TCF7L2: variants seen among roughly 807,000 people sequenced by gnomAD.
The protein encoded by TCF7L2 is transcription factor 7-like 2.
In TCF7L2, 23 loss-of-function variants were observed where a neutral mutation model predicts 77.9. That is an observed-to-expected ratio of 0.30 (90% CI 0.21 to 0.42). The LOEUF (loss-of-function observed/expected upper bound fraction) is 0.42, where lower values mean the gene tolerates loss of function less well. TCF7L2 is among the 10% of genes least tolerant of loss of function. The pLI is 1.00. For missense variants in TCF7L2, 654 were observed against 793.1 expected (o/e 0.82, Z 2.11); for synonymous variants, 413 against 340.2 (o/e 1.21, Z -2.36).
chr10:113,158,091 A>G, intron 12 of TCF7L2, 22 bp downstream of exon 12: 1 of 1,586,388 alleles, frequency 6.3e-7, no homozygotes, highest in Non-Finnish European at 8.6e-7. Context: ...TCATCAGGTT[A>G]GAGGAAGGAG....
intron 4 of TCF7L2, among the ~76,000 whole-genome samples, chr10:113,019,361 C>G (rs1430552890): frequency 6.6e-6 from 1 of 152,050 alleles, no homozygotes; most frequent in Non-Finnish European, 1.5e-5. Flanking sequence ...AGGAATGTGT[C>G]CTCGTTAGAA....
At chr10:112,987,277 A>C (rs556347850) in intron 4 of TCF7L2, among the ~76,000 whole-genome samples, 1 of 152,312 alleles carries the variant, frequency 6.6e-6, no homozygotes, top group Non-Finnish European at 1.5e-5. Context: ...GCAGCAAATA[A>C]ATCTCAGTTT....
intron 4 of TCF7L2, among the ~76,000 whole-genome samples, chr10:113,011,008 A>G (rs527636915): frequency 2.4e-4 from 36 of 152,274 alleles, no homozygotes; most frequent in African/African-American, 7.9e-4. Context: ...TCCTGTCTCA[A>G]AAAAAAGAAA....
At chr10:112,989,552 G>C (rs1287549822) in intron 4 of TCF7L2, among the ~76,000 whole-genome samples, 1 of 152,140 alleles carries the variant, frequency 6.6e-6, no homozygotes, top group Non-Finnish European at 1.5e-5. Flanking sequence ...ACATGCTCAT[G>C]AGAGTTTGCG....
At chr10:113,009,295 A>G (rs550288092) in intron 4 of TCF7L2, among the ~76,000 whole-genome samples, 10 of 152,058 alleles carry the variant, frequency 6.6e-5, no homozygotes, top group Non-Finnish European at 1.2e-4. Context: ...CTGGATGGGG[A>G]AGTTGGCCTG....
intron 5 of TCF7L2, among the ~76,000 whole-genome samples, chr10:113,106,287 G>A (rs577875401): frequency 6.6e-5 from 10 of 152,306 alleles, no homozygotes; most frequent in Non-Finnish European, 1.3e-4. Context: ...CTTGAACAGT[G>A]AGGAAGCAGA....
At chr10:112,951,363 T>TGGCCCTGCGCCGGCCC in intron 2 of TCF7L2, 90 bp downstream of exon 2, 6 of 1,004,750 alleles carry the variant, frequency 6.0e-6, no homozygotes, top group Non-Finnish European at 7.2e-6. Context: ...CGGCTCGGCC[T>TGGCCCTGCGCCGGCCC]GGCCCTGCGC....
Position 113,165,945 on chromosome 10 carries a change from G to A in TCF7L2, c.1782G>A (p.Leu594=), listed in dbSNP as rs2137657794. Residue 594 remains leucine, a synonymous_variant, in exon 14 of 14, where the codon CTG becomes CTA. Transcript: ENST00000627217. The stretch of plus-strand genomic sequence containing the variant: ...TGGCCGGGACCCAGCCCCAGCCGCT[G>A]TCGCTCGTCACCAAGTCTTTAGAAT... 1 of 1,540,288 alleles carries A rather than the reference G, an allele frequency of 6.5e-7. No individual in the cohort carries two copies. Among genetic ancestry groups the A allele is most frequent in the South Asian group, 1.2e-5 (1 of 81,408 alleles).
At position 113,084,676 on chromosome 10, in the gene TCF7L2, C is replaced by T. The variant is rs11196221; in HGVS notation, c.552+44550C>T. On this transcript the variant is annotated intron_variant, in intron 5 of 13. Transcript: ENST00000627217. ...TTGGGAGGCCGAGGTGGGCGGATCA[C>T]TTGAGACCAGGAGTTGGATACCAGC... Among the ~76,000 whole-genome samples, 1,047 of 152,200 alleles carry T rather than the reference C, an allele frequency of 6.9e-3. 7 individuals carry two copies. The highest frequency in any genetic ancestry group is 0.011 in the Non-Finnish European group (741 of 68,018).
intron 5 of TCF7L2, among the ~76,000 whole-genome samples, chr10:113,049,640 T>C (rs2134505729): frequency 6.6e-6 from 1 of 152,284 alleles, no homozygotes; most frequent in South Asian, 2.1e-4. Context: ...CTCACTCCCA[T>C]ACTTTGAGAG....
intron 5 of TCF7L2, among the ~76,000 whole-genome samples, chr10:113,043,277 A>G (rs772666187): frequency 2.3e-4 from 35 of 152,216 alleles, no homozygotes; most frequent in Non-Finnish European, 3.2e-4. Context: ...TTGTTGGACT[A>G]TTTTAATCTG....
At chr10:112,998,062 G>T (rs1590196244) in intron 4 of TCF7L2, among the ~76,000 whole-genome samples, 1 of 151,026 alleles carries the variant, frequency 6.6e-6, no homozygotes, top group African/African-American at 2.4e-5. Context: ...AGAGTGAAGG[G>T]AGATGAGGTG....
chr10:113,086,065 A>G (rs1564874557), intron 5 of TCF7L2, among the ~76,000 whole-genome samples: 1 of 152,182 alleles, frequency 6.6e-6, no homozygotes, highest in Non-Finnish European at 1.5e-5. Flanking sequence ...CACCTGCTTC[A>G]TTCTTTCAAG....
intron 3 of TCF7L2, 63 bp downstream of exon 3, chr10:112,951,670 C>T: frequency 9.9e-7 from 1 of 1,007,182 alleles, no homozygotes; most frequent in Non-Finnish European, 1.2e-6. Context: ...CGCCGGGCCC[C>T]GCATGCGGCC....
chr10:113,097,395 A>G (rs920981577), intron 5 of TCF7L2, among the ~76,000 whole-genome samples: 1 of 152,112 alleles, frequency 6.6e-6, no homozygotes, highest in South Asian at 2.1e-4. Context: ...GCTCACGCCT[A>G]TAATCCCAGC....
At position 113,141,256 on chromosome 10, in the gene TCF7L2, G is replaced by A. The variant is rs2136840510; in HGVS notation, c.625G>A (p.Glu209Lys). 2 of 1,614,136 alleles carry A rather than the reference G, an allele frequency of 1.2e-6. No individual in the cohort carries two copies. Among genetic ancestry groups the A allele is most frequent in the Non-Finnish European group, 1.7e-6 (2 of 1,180,034 alleles). Residue 209 changes from glutamate (E) to lysine (K), a missense_variant, in exon 6 of 14, where the codon GAA (glutamate) becomes AAA (lysine). By Grantham distance (56) the Glu-to-Lys change is moderately conservative. Around this residue, in one of 6 missense-constraint regions of TCF7L2, gnomAD observed 179 missense variants for 270.6 expected, o/e 0.66. Coordinates refer to ENST00000627217, the MANE Select transcript of TCF7L2 (RefSeq NM_001146274.2). ...CACGCCTCTTATCACGTACAGCAAT[G>A]AACACTTCACGCCGGGAAACCCACC...
intron 13 of TCF7L2, among the ~76,000 whole-genome samples, chr10:113,165,064 C>G (rs903528827): frequency 4.6e-5 from 7 of 152,168 alleles, no homozygotes; most frequent in African/African-American, 1.4e-4. Context: ...CACACTCACA[C>G]TCACACACTC....
chr10:112,989,736 C>T lies in TCF7L2; in HGVS notation c.450+25112C>T, dbSNP rs566062619. 5.5e-4 allele frequency among the ~76,000 whole-genome samples: 83 copies of T among 152,224 alleles called. 2 individuals are homozygous for T. The South Asian group carries it at 0.011, about 20-fold the overall frequency. On this transcript the variant is annotated intron_variant, in intron 4 of 13. Transcript: ENST00000627217. ...CGGACACTGTTTTAAAACACAGCAG[C>T]GTGATAGCATTTCATTTAATTTGGA...
At chr10:112,951,388 C>A in intron 2 of TCF7L2, 95 bp from the exon 3 acceptor site, 1 of 1,170,676 alleles carries the variant, frequency 8.5e-7, no homozygotes, top group Non-Finnish European at 1.1e-6. Flanking sequence ...CCGGTCGGGG[C>A]GCCCGGCCCC....
Sources: gnomAD v4.1 joint callset for allele counts (sites outside exome capture counted in the v4.1 genomes callset) on GRCh38, gnomAD v4.1.1 for gene constraint, gnomAD v4.1.1 regional missense constraint, MANE v1.5 for transcripts, NCBI Gene and HGNC (gene_info 2026-07-23, HGNC 2026-07-21) for gene names.